STXBP4: variants seen among roughly 807,000 people sequenced by gnomAD.
STXBP4 encodes syntaxin-binding protein 4.
In STXBP4, 55 loss-of-function variants were observed where a neutral mutation model predicts 76.1. That is an observed-to-expected ratio of 0.72 (90% CI 0.58 to 0.91). The LOEUF (loss-of-function observed/expected upper bound fraction) is 0.91, where lower values mean the gene tolerates loss of function less well. Ranked by LOEUF, STXBP4 falls within the 40% of genes least tolerant of loss-of-function variation. The probability of loss-of-function intolerance (pLI) is 0.00; values close to 1 mark genes in which losing one functional copy is unlikely to be tolerated. For missense variants in STXBP4, 618 were observed against 636.9 expected (o/e 0.97, Z 0.32); for synonymous variants, 201 against 220.2 (o/e 0.91, Z 0.77).
the STXBP4 span, among the ~76,000 whole-genome samples, chr17:55,207,166 A>G: frequency 6.6e-6 from 1 of 152,124 alleles, no homozygotes; most frequent in Non-Finnish European, 1.5e-5. Context: ...TGACGCTCAC[A>G]CATTCTTTTT....
chr17:55,086,851 A>C (rs79170357), intron 16 of STXBP4, among the ~76,000 whole-genome samples: 2,368 of 152,254 alleles, frequency 0.016, 58 homozygotes, highest in African/African-American at 0.052. Flanking sequence ...ACTGATCTCC[A>C]TAGTGGCTTT....
intron 17 of STXBP4, among the ~76,000 whole-genome samples, chr17:55,147,476 G>A (rs2080170498): frequency 6.6e-6 from 1 of 152,104 alleles, no homozygotes; most frequent in Non-Finnish European, 1.5e-5. Context: ...ATGGCCCGGG[G>A]GTTGAGGACC....
chr17:55,127,093 T>G (rs1436599701), intron 16 of STXBP4, among the ~76,000 whole-genome samples: 1 of 152,222 alleles, frequency 6.6e-6, no homozygotes, highest in Non-Finnish European at 1.5e-5. Flanking sequence ...CATCATGCCC[T>G]AGAATATTTC....
intron 9 of STXBP4, among the ~76,000 whole-genome samples, chr17:55,032,498 T>A (rs1344087091): frequency 1.3e-5 from 2 of 152,106 alleles, no homozygotes; most frequent in Non-Finnish European, 1.5e-5. Flanking sequence ...CTAAAATGAT[T>A]TAAGAATTGA....
Position 55,048,406 on chromosome 17 carries a change from T to C in STXBP4, c.1011+1252T>C, listed in dbSNP as rs1228733895. Among the ~76,000 whole-genome samples the C allele has an allele frequency of 2.0e-5, 3 of 151,766 alleles. No individual in the cohort carries two copies. In the East Asian group the frequency reaches 5.8e-4, roughly 29 times the overall value. On this transcript the variant is annotated intron_variant, in intron 12 of 17. Transcript: ENST00000376352. ...AAAAAAGTATAGAACAAAAATTCTA[T>C]CTCCATCATTATAAAACGACTGAAA... is the stretch of plus-strand genomic sequence containing the variant.
chr17:55,151,316 T>C (rs1023427742), intron 17 of STXBP4, among the ~76,000 whole-genome samples: 1 of 152,166 alleles, frequency 6.6e-6, no homozygotes, highest in African/African-American at 2.4e-5. Flanking sequence ...GTTTCATCAA[T>C]TGTAAAAACT....
chr17:55,167,103 A>G lies in STXBP4; in HGVS notation c.*7192A>G, dbSNP rs1464590543. On this transcript the variant is annotated 3_prime_UTR_variant, in exon 18 of 18. Coordinates refer to ENST00000376352, the MANE Select transcript of STXBP4 (RefSeq NM_178509.6). ...GAGAAGGTTAACTGGAAGGCTTCCA[A>G]CTCTGAAATCCTACCGCAGTCCCCT... 6.6e-6 allele frequency: 1 copy of G among 152,128 alleles called. No individual in the cohort carries two copies. The highest frequency in any genetic ancestry group is 1.9e-4 in the East Asian group (1 of 5,190). 9.4% of individuals were successfully genotyped at this position (152,128 alleles called of 1,614,324 possible). A position where few individuals can be genotyped will look rare whatever the true frequency, so the allele number is the denominator to read the frequency against.
the STXBP4 span, among the ~76,000 whole-genome samples, chr17:55,185,326 T>TCTCCTCCTCCTCCTCCTCCTCCTCCTC: frequency 2.7e-5 from 2 of 74,642 alleles, no homozygotes; most frequent in East Asian, 9.3e-4. Flanking sequence ...TCCTTCTCCT[T>TCTCCTCCTCCTCCTCCTCCTCCTCCTC]CTCCTCCTCC....
chr17:55,097,392 G>A (rs903757824), intron 16 of STXBP4, among the ~76,000 whole-genome samples: 14 of 152,068 alleles, frequency 9.2e-5, no homozygotes, highest in African/African-American at 1.4e-4. Flanking sequence ...GACCGGGCGC[G>A]GTGGCTCATG....
chr17:55,053,152 TAAA>T (rs2078882471), intron 12 of STXBP4, among the ~76,000 whole-genome samples: 1 of 151,966 alleles, frequency 6.6e-6, no homozygotes, highest in African/African-American at 2.4e-5. Flanking sequence ...GATGGTAGAT[TAAA>T]GCATTGAATT....
At chr17:55,106,049 A>G (rs2079630925) in intron 16 of STXBP4, among the ~76,000 whole-genome samples, 3 of 152,064 alleles carry the variant, frequency 2.0e-5, no homozygotes, top group Admixed American at 2.0e-4. Context: ...TGATATTGAG[A>G]GTGGGATGTT....
At chr17:55,182,541 T>G in the STXBP4 span, among the ~76,000 whole-genome samples, 1 of 152,012 alleles carries the variant, frequency 6.6e-6, no homozygotes, top group African/African-American at 2.4e-5. Flanking sequence ...TTAGAAAAAA[T>G]ATTTGAATAT....
chr17:55,191,326 A>G, the STXBP4 span, among the ~76,000 whole-genome samples: 1 of 152,132 alleles, frequency 6.6e-6, no homozygotes, highest in Non-Finnish European at 1.5e-5. Flanking sequence ...TCTGATTCAT[A>G]AGTCCGGGGT....
chr17:55,092,340 A>G (rs899972329), intron 16 of STXBP4, among the ~76,000 whole-genome samples: 7 of 150,678 alleles, frequency 4.6e-5, no homozygotes, highest in African/African-American at 1.5e-4. Context: ...AATGAAATAC[A>G]TAACATTTTG....
At chr17:54,990,286 TCAGGCGACA>T (rs79185900) in intron 3 of STXBP4, among the ~76,000 whole-genome samples, 42,960 of 151,930 alleles carry the variant, frequency 0.28, 6,261 homozygotes, top group African/African-American at 0.35. Flanking sequence ...CTGTTAGGAA[TCAGGCGACA>T]CAGCAGGAGG....
intron 7 of STXBP4, among the ~76,000 whole-genome samples, chr17:55,004,308 A>T (rs1332789509): frequency 6.6e-6 from 1 of 152,222 alleles, no homozygotes; most frequent in Non-Finnish European, 1.5e-5. Context: ...TTATGGGGAA[A>T]AATATCCATT....
chr17:55,081,033 T>A lies in STXBP4; in HGVS notation c.1356-17T>A. 1 of 1,452,464 alleles carries A rather than the reference T, an allele frequency of 6.9e-7. No individual in the cohort carries two copies. The allele number at this position is 1,452,464 out of a possible 1,614,324, so 90.0% of individuals were successfully genotyped here. ...TTATTGTGTAGTAAGTTCAACTTTA[T>A]TTTATTGCCTTCATAGTGAAAGAAG... On this transcript the variant is annotated splice_polypyrimidine_tract_variant and intron_variant, in intron 15 of 17. Transcript: ENST00000376352.
intron 4 of STXBP4, chr17:54,991,636 A>T (rs1262233351): frequency 1.3e-5 from 2 of 151,776 alleles, no homozygotes; most frequent in East Asian, 1.9e-4. Flanking sequence ...TAAAGTGATT[A>T]TGTGTCATTT....
chr17:55,113,161 G>A (rs144604158), intron 16 of STXBP4, among the ~76,000 whole-genome samples: 1 of 149,620 alleles, frequency 6.7e-6, no homozygotes, highest in Non-Finnish European at 1.5e-5. Flanking sequence ...AAGAAAAATG[G>A]TATAGGATAT....
Sources: gnomAD v4.1 joint callset for allele counts (sites outside exome capture counted in the v4.1 genomes callset) on GRCh38, gnomAD v4.1.1 for gene constraint, MANE v1.5 for transcripts, NCBI Gene and HGNC (gene_info 2026-07-23, HGNC 2026-07-21) for gene names.